GRIA2: variants seen among roughly 807,000 people sequenced by gnomAD.
The protein encoded by GRIA2 is glutamate receptor 2.
A neutral mutation model predicts 97.3 loss-of-function variants in GRIA2; 14 were observed. That is an observed-to-expected ratio of 0.14 (90% CI 0.10 to 0.23). The LOEUF is 0.23. GRIA2 is among the 10% of genes least tolerant of loss of function. The probability of loss-of-function intolerance (pLI) is 1.00; values close to 1 mark genes in which losing one functional copy is unlikely to be tolerated. For missense variants in GRIA2, 558 were observed against 1,069.8 expected, an observed-to-expected ratio of 0.52 and a Z score of 6.67; for synonymous variants, 412 against 387.8, an observed-to-expected ratio of 1.06 and a Z score of -0.73.
At chr4:157,341,493 T>C (rs1390891990) in intron 12 of GRIA2, 31 bp downstream of exon 12, 2 of 1,463,472 alleles carry the variant, frequency 1.4e-6, no homozygotes, top group South Asian at 1.1e-5. Context: ...GTTTCTGATT[T>C]TGTTCCTGAA....
chr4:157,344,225 A>T (rs1452367208), intron 12 of GRIA2, among the ~76,000 whole-genome samples: 1 of 152,098 alleles, frequency 6.6e-6, no homozygotes, highest in Admixed American at 6.6e-5. Context: ...TAATATGTCT[A>T]TTGGCTGTAG....
chr4:157,332,594 A>T (rs1579370697), intron 6 of GRIA2, among the ~76,000 whole-genome samples: 1 of 151,950 alleles, frequency 6.6e-6, no homozygotes, highest in African/African-American at 2.4e-5. Context: ...AACAGCTGAG[A>T]TATTAACATA....
chr4:157,234,561 A>T (rs1437181680), intron 2 of GRIA2, among the ~76,000 whole-genome samples: 2 of 152,246 alleles, frequency 1.3e-5, no homozygotes, highest in South Asian at 2.1e-4. Context: ...TGAATATCTG[A>T]TACTATTCAG....
At chr4:157,245,375 T>A (rs1207818298) in intron 2 of GRIA2, among the ~76,000 whole-genome samples, 1 of 152,108 alleles carries the variant, frequency 6.6e-6, no homozygotes, top group Admixed American at 6.6e-5. Flanking sequence ...TATATTCTAG[T>A]GATAATAGAC....
intron 2 of GRIA2, among the ~76,000 whole-genome samples, chr4:157,263,059 A>G (rs1409517881): frequency 2.0e-5 from 3 of 152,100 alleles, no homozygotes; most frequent in African/African-American, 7.2e-5. Flanking sequence ...TGACATTTAA[A>G]TTTGTCAAGG....
chr4:157,305,641 T>G (rs976997702), intron 3 of GRIA2, among the ~76,000 whole-genome samples: 1 of 152,066 alleles, frequency 6.6e-6, no homozygotes, highest in African/African-American at 2.4e-5. Context: ...CTCTTTCACT[T>G]CAAATCTCTG....
intron 1 of GRIA2, 89 bp from the exon 2 acceptor site, chr4:157,221,578 C>A: frequency 1.5e-6 from 2 of 1,348,480 alleles, no homozygotes; most frequent in South Asian, 2.6e-5. Context: ...GAATAAGAGA[C>A]TCTTGGATTT....
chr4:157,316,597 C>T (rs949262763), intron 4 of GRIA2, among the ~76,000 whole-genome samples: 1 of 151,920 alleles, frequency 6.6e-6, no homozygotes, highest in Non-Finnish European at 1.5e-5. Flanking sequence ...ATGTGTGAAG[C>T]CCTAAGGTGA....
At chr4:157,336,110 T>C (rs1405534235) in intron 10 of GRIA2, among the ~76,000 whole-genome samples, 1 of 152,026 alleles carries the variant, frequency 6.6e-6, no homozygotes, top group African/African-American at 2.4e-5. Context: ...GGGCCATATG[T>C]ATTGTCAAAA....
chr4:157,284,029 A>G (rs540213788), intron 2 of GRIA2, among the ~76,000 whole-genome samples: 25 of 151,990 alleles, frequency 1.6e-4, no homozygotes, highest in African/African-American at 5.5e-4. Context: ...TTAGTAGAAA[A>G]CAGATATCTG....
At chr4:157,295,841 A>G (rs941827315) in intron 2 of GRIA2, among the ~76,000 whole-genome samples, 1 of 152,164 alleles carries the variant, frequency 6.6e-6, no homozygotes, top group African/African-American at 2.4e-5. Context: ...ATCTGTTACA[A>G]TAATTGTATT....
intron 2 of GRIA2, among the ~76,000 whole-genome samples, chr4:157,260,796 C>T (rs911847269): frequency 6.6e-6 from 1 of 151,646 alleles, no homozygotes; most frequent in Non-Finnish European, 1.5e-5. Context: ...TCCTCTTTTT[C>T]CTCCTTCATT....
At chr4:157,244,611 G>A (rs931739332) in intron 2 of GRIA2, among the ~76,000 whole-genome samples, 9 of 152,144 alleles carry the variant, frequency 5.9e-5, no homozygotes, top group South Asian at 4.1e-4. Flanking sequence ...TTCTTACAGG[G>A]ATGTAAGGTT....
At chr4:157,325,668 C>A (rs1028635950) in intron 6 of GRIA2, among the ~76,000 whole-genome samples, 3 of 152,158 alleles carry the variant, frequency 2.0e-5, no homozygotes, top group African/African-American at 7.2e-5. Flanking sequence ...CTTTCTTATC[C>A]CAGTTGATGG....
intron 2 of GRIA2, among the ~76,000 whole-genome samples, chr4:157,275,739 GGTACCA>G (rs1278849685): frequency 6.6e-6 from 1 of 151,946 alleles, no homozygotes; most frequent in Non-Finnish European, 1.5e-5. Context: ...TCTCTCTTTT[GGTACCA>G]GTACCATGCT....
chr4:157,321,412 G>A lies in GRIA2; in HGVS notation c.721-26G>A, dbSNP rs142551975. 2.5e-4 allele frequency: 387 copies of A among 1,552,072 alleles called. 2 individuals carry two copies. The East Asian group carries it at 8.2e-3, about 33-fold the overall frequency. On this transcript the variant is annotated intron_variant, in intron 5 of 15. Coordinates refer to ENST00000264426, the MANE Select transcript of GRIA2 (RefSeq NM_001083619.3). ...AGCATTTTGTTCTCAAACAAAAAGC[G>A]TGATATCAATGTGTTCTATGTTTAG...
At chr4:157,283,930 T>A (rs1335358414) in intron 2 of GRIA2, among the ~76,000 whole-genome samples, 1 of 151,942 alleles carries the variant, frequency 6.6e-6, no homozygotes, top group African/African-American at 2.4e-5. Flanking sequence ...AATGACTAGT[T>A]AATGACCTGC....
Position 157,341,219 on chromosome 4 carries a change from G to A in GRIA2, c.1845-45G>A, listed in dbSNP as rs532958020. 7.0e-5 allele frequency: 89 copies of A among 1,268,714 alleles called. 2 individuals carry two copies. The South Asian group carries it at 1.0e-3, about 15-fold the overall frequency. The allele number at this position is 1,268,714 out of a possible 1,614,324, so 78.6% of individuals were successfully genotyped here. A position where few individuals can be genotyped will look rare whatever the true frequency, so the allele number is the denominator to read the frequency against. On this transcript the variant is annotated intron_variant, in intron 11 of 15. Coordinates refer to ENST00000264426, the MANE Select transcript of GRIA2 (RefSeq NM_001083619.3). ...ATACTGCTAACTTGTTTTTTTATTA[G>A]GTCATTCATTTCACTTTACAAATCC...
At chr4:157,310,886 A>AAG (rs1194271906) in intron 3 of GRIA2, among the ~76,000 whole-genome samples, 1 of 152,052 alleles carries the variant, frequency 6.6e-6, no homozygotes, top group Non-Finnish European at 1.5e-5. Flanking sequence ...GATGAAATTC[A>AAG]AGTTTACATT....
Sources: gnomAD v4.1 joint callset for allele counts (sites outside exome capture counted in the v4.1 genomes callset) on GRCh38, gnomAD v4.1.1 for gene constraint, MANE v1.5 for transcripts, NCBI Gene and HGNC (gene_info 2026-07-23, HGNC 2026-07-21) for gene names.